CNTN5: variants seen among roughly 807,000 people sequenced by gnomAD.
CNTN5 encodes contactin 5.
Under a neutral mutation model 129.1 loss-of-function variants are expected in CNTN5, and 77 were observed. The ratio of observed to expected loss-of-function variants is 0.60; its 90% confidence interval spans 0.50 to 0.72. The LOEUF (loss-of-function observed/expected upper bound fraction) is 0.72, where lower values mean the gene tolerates loss of function less well. Among genes scored for constraint, CNTN5 ranks in the 30% least tolerant of loss-of-function variants. The pLI is 0.00. For synonymous variants in CNTN5, 509 were observed against 465.6 expected (o/e 1.09, Z -1.20); for missense variants, 1,478 against 1,328.8 (o/e 1.11, Z -1.75).
At chr11:99,276,255 T>C (rs1863423367) in intron 1 of CNTN5, among the ~76,000 whole-genome samples, 2 of 151,694 alleles carry the variant, frequency 1.3e-5, no homozygotes, top group Admixed American at 1.3e-4. Context: ...GAAATTAACA[T>C]TTTGTCAAAA....
intron 6 of CNTN5, among the ~76,000 whole-genome samples, chr11:99,900,406 G>A (rs976228343): frequency 6.6e-6 from 1 of 151,682 alleles, no homozygotes. Context: ...TTATCTTTTT[G>A]ATGTATTTCT....
chr11:100,352,576 T>C (rs1356465291), intron 24 of CNTN5, among the ~76,000 whole-genome samples: 1 of 151,662 alleles, frequency 6.6e-6, no homozygotes, highest in African/African-American at 2.4e-5. Flanking sequence ...CTCACAACTT[T>C]TCAGTACACC....
intron 6 of CNTN5, among the ~76,000 whole-genome samples, chr11:99,869,126 G>T (rs1000671803): frequency 6.6e-6 from 1 of 152,090 alleles, no homozygotes; most frequent in African/African-American, 2.4e-5. Context: ...AAAACATTAT[G>T]TTTCAGATAA....
At chr11:99,587,786 C>T (rs550430422) in intron 3 of CNTN5, among the ~76,000 whole-genome samples, 2 of 152,184 alleles carry the variant, frequency 1.3e-5, no homozygotes, top group South Asian at 4.2e-4. Context: ...CATTTGCTAG[C>T]AAAACACTTT....
intron 1 of CNTN5, among the ~76,000 whole-genome samples, chr11:99,247,791 T>C (rs540625405): frequency 2.6e-5 from 4 of 152,270 alleles, no homozygotes; most frequent in Non-Finnish European, 4.4e-5. Flanking sequence ...GGACATGAAC[T>C]CATCATTTTT....
chr11:99,984,401 A>G (rs1938542772), intron 8 of CNTN5, among the ~76,000 whole-genome samples: 1 of 152,094 alleles, frequency 6.6e-6, no homozygotes, highest in Non-Finnish European at 1.5e-5. Flanking sequence ...AAAGAAAAGA[A>G]AGAGAAACCA....
intron 2 of CNTN5, among the ~76,000 whole-genome samples, chr11:99,413,323 A>G (rs1232075990): frequency 2.0e-5 from 3 of 152,200 alleles, no homozygotes; most frequent in African/African-American, 7.2e-5. Context: ...AGTTATCATT[A>G]AAGAATTCAG....
intron 2 of CNTN5, among the ~76,000 whole-genome samples, chr11:99,478,286 G>T (rs1275699145): frequency 6.6e-6 from 1 of 152,102 alleles, no homozygotes; most frequent in Non-Finnish European, 1.5e-5. Context: ...TTCCATGGCT[G>T]TTGGGAGGAT....
At chr11:99,296,110 A>C (rs559728405) in intron 1 of CNTN5, among the ~76,000 whole-genome samples, 2 of 152,252 alleles carry the variant, frequency 1.3e-5, no homozygotes, top group Admixed American at 6.5e-5. Flanking sequence ...AACAAGGAAA[A>C]AATATTCAAA....
intron 3 of CNTN5, among the ~76,000 whole-genome samples, chr11:99,671,808 G>A (rs2135948092): frequency 6.6e-6 from 1 of 152,240 alleles, no homozygotes; most frequent in Middle Eastern, 3.4e-3. Flanking sequence ...ATATATTCGA[G>A]TAGAAAATAA....
At chr11:100,012,553 C>T (rs1316728884) in intron 9 of CNTN5, among the ~76,000 whole-genome samples, 1 of 152,136 alleles carries the variant, frequency 6.6e-6, no homozygotes, top group African/African-American at 2.4e-5. Flanking sequence ...CATCATATTT[C>T]CAGCTTTTCC....
chr11:100,326,331 C>G (rs538017545), intron 21 of CNTN5, among the ~76,000 whole-genome samples: 1 of 151,942 alleles, frequency 6.6e-6, no homozygotes. Flanking sequence ...GTGAACAAAA[C>G]TCCAAAAACA....
chr11:99,737,177 A>G (rs1402943643), intron 3 of CNTN5, among the ~76,000 whole-genome samples: 1 of 151,870 alleles, frequency 6.6e-6, no homozygotes, highest in East Asian at 1.9e-4. Context: ...ACGCACACAC[A>G]GTCTTTCAAT....
chr11:99,857,030 A>G (rs879925940), intron 6 of CNTN5, among the ~76,000 whole-genome samples: 9 of 93,590 alleles, frequency 9.6e-5, no homozygotes, highest in East Asian at 3.1e-4. Flanking sequence ...ATCTATCTCT[A>G]TCTCCCTCTC....
rs1294896945 is a variant in CNTN5 at position 99,679,119 on chromosome 11, G to T, written c.55+122850G>T. Among the ~76,000 whole-genome samples the T allele has an allele frequency of 1.4e-5, 2 of 146,382 alleles. 1 individual carries two copies. Among genetic ancestry groups the T allele is most frequent in the Non-Finnish European group, 3.0e-5 (2 of 66,844 alleles). ...ACACATATATAGGAAATATATATAT[G>T]TATATACTTATAGGAAATATATATA... On this transcript the variant is annotated intron_variant, in intron 3 of 24. Transcript: ENST00000524871.
intron 7 of CNTN5, 47 bp from the exon 8 acceptor site, chr11:99,956,759 A>G: frequency 7.1e-7 from 1 of 1,416,976 alleles, no homozygotes; most frequent in South Asian, 1.2e-5. Flanking sequence ...TTGTCTGTTA[A>G]TGAAAAAATC....
chr11:99,116,730 T>C (rs1425189078), intron 1 of CNTN5, among the ~76,000 whole-genome samples: 2 of 152,114 alleles, frequency 1.3e-5, no homozygotes, highest in Admixed American at 1.3e-4. Flanking sequence ...CTTGAGAAAG[T>C]GGGTAGATGG....
intron 1 of CNTN5, among the ~76,000 whole-genome samples, chr11:99,283,904 A>G (rs1863810656): frequency 6.6e-6 from 1 of 152,130 alleles, no homozygotes; most frequent in Non-Finnish European, 1.5e-5. Flanking sequence ...TGGTTTAAAG[A>G]AGCATGCCTC....
At chr11:99,182,568 A>G (rs1001984418) in intron 1 of CNTN5, among the ~76,000 whole-genome samples, 1 of 152,178 alleles carries the variant, frequency 6.6e-6, no homozygotes, top group Admixed American at 6.5e-5. Flanking sequence ...TATCAAGAAC[A>G]TTCTCTTGTT....
Sources: gnomAD v4.1 joint callset for allele counts (sites outside exome capture counted in the v4.1 genomes callset) on GRCh38, gnomAD v4.1.1 for gene constraint, MANE v1.5 for transcripts, NCBI Gene and HGNC (gene_info 2026-07-23, HGNC 2026-07-21) for gene names.